Variants in SYT17 observed in about 807,000 individuals in gnomAD.
SYT17 encodes synaptotagmin 17.
In SYT17, 22 loss-of-function variants were observed where a neutral mutation model predicts 46.7. The ratio of observed to expected loss-of-function variants is 0.47; its 90% CI spans 0.34 to 0.67. The LOEUF is 0.67. Ranked by LOEUF, SYT17 falls within the 30% of genes least tolerant of loss-of-function variation. SYT17 has a pLI of 0.01. For missense variants in SYT17, 519 were observed against 612.8 expected (o/e 0.85, Z 1.62); for synonymous variants, 251 against 248.4 (o/e 1.01, Z -0.10).
At chr16:19,178,368 AGCCACCGTGCCC>A (rs1332031471) in intron 3 of SYT17, among the ~76,000 whole-genome samples, 1 of 151,680 alleles carries the variant, frequency 6.6e-6, no homozygotes, top group Non-Finnish European at 1.5e-5. Flanking sequence ...TACAGACGTG[AGCCACCGTGCCC>A]GCCCAGTTTC....
chr16:19,178,535 A>G (rs982358049), intron 3 of SYT17, among the ~76,000 whole-genome samples: 1 of 151,716 alleles, frequency 6.6e-6, no homozygotes, highest in African/African-American at 2.4e-5. Flanking sequence ...CAAGTGATCC[A>G]CCCACCTCAG....
chr16:19,181,835 A>G (rs1964568802), intron 4 of SYT17, among the ~76,000 whole-genome samples: 1 of 152,046 alleles, frequency 6.6e-6, no homozygotes, highest in African/African-American at 2.4e-5. Context: ...CCCCATCTCT[A>G]CTAAAAATAC....
chr16:19,223,612 T>C (rs2214187), intron 6 of SYT17, among the ~76,000 whole-genome samples: 122,327 of 152,214 alleles, frequency 0.8, 49,482 homozygotes, highest in African/African-American at 0.89. Flanking sequence ...TGACTTTTAA[T>C]GGAACGGAAC....
chr16:19,217,683 A>G (rs931564703), intron 5 of SYT17, among the ~76,000 whole-genome samples: 1 of 152,196 alleles, frequency 6.6e-6, no homozygotes, highest in Non-Finnish European at 1.5e-5. Context: ...TCATGTGGAC[A>G]TGTTTCCTAT....
chr16:19,184,140 G>A lies in SYT17; in HGVS notation c.944G>A (p.Ser315Asn). ...CACTGGTGGAAGGCGCTGATTCCCA[G>A]TTCTCAGGTAAGGGATGGGTTTGTG... ...GGHWWKALIP[S>N]SQNEVELGEL... Residue 315 changes from serine (S) to asparagine (N), a missense_variant, in exon 5 of 8, where the codon AGT (serine) becomes AAT (asparagine). Physicochemically the swap from Ser to Asn is conservative, Grantham distance 46. Transcript: ENST00000355377. 3 of 1,613,398 alleles carry A rather than the reference G, an allele frequency of 1.9e-6. No individual in the cohort carries two copies. The highest frequency in any genetic ancestry group is 2.5e-6 in the Non-Finnish European group (3 of 1,179,382).
intron 7 of SYT17, among the ~76,000 whole-genome samples, chr16:19,251,494 G>T (rs1968063072): frequency 6.6e-6 from 1 of 152,178 alleles, no homozygotes; most frequent in South Asian, 2.1e-4. Flanking sequence ...GCAGGTCTGT[G>T]GTGTGTGTCT....
intron 7 of SYT17, among the ~76,000 whole-genome samples, chr16:19,237,077 A>G (rs1966859074): frequency 1.3e-5 from 2 of 152,236 alleles, no homozygotes; most frequent in Admixed American, 6.5e-5. Flanking sequence ...GACAAAGGCT[A>G]GGCCTCTTTT....
chr16:19,255,987 C>T (rs750735843), intron 7 of SYT17, among the ~76,000 whole-genome samples: 9 of 152,140 alleles, frequency 5.9e-5, no homozygotes, highest in Non-Finnish European at 1.0e-4. Flanking sequence ...AGCCTATTTC[C>T]AGGATCTGCT....
intron 7 of SYT17, among the ~76,000 whole-genome samples, chr16:19,237,141 C>T (rs941424702): frequency 6.6e-6 from 1 of 152,342 alleles, no homozygotes; most frequent in Admixed American, 6.5e-5. Context: ...CGTGCAAAGT[C>T]ATCCAGCTGG....
intron 4 of SYT17, among the ~76,000 whole-genome samples, chr16:19,182,903 C>T (rs1038352653): frequency 5.3e-5 from 8 of 152,202 alleles, no homozygotes; most frequent in Non-Finnish European, 1.2e-4. Context: ...TGAATCTTCA[C>T]CACATTCTTT....
intron 7 of SYT17, among the ~76,000 whole-genome samples, chr16:19,265,033 T>C (rs1220853535): frequency 6.6e-6 from 1 of 152,138 alleles, no homozygotes; most frequent in East Asian, 1.9e-4. Context: ...GAAAACTAAA[T>C]GGGGCCTGAA....
intron 5 of SYT17, among the ~76,000 whole-genome samples, chr16:19,207,502 C>T (rs1298175561): frequency 1.3e-5 from 2 of 152,140 alleles, no homozygotes; most frequent in Admixed American, 1.3e-4. Flanking sequence ...AGAGATACCT[C>T]ATATGGCCAG....
Position 19,183,814 on chromosome 16 carries a change from C to T in SYT17, c.618C>T (p.Ile206=), listed in dbSNP as rs747331467. The part of the protein sequence containing the change: ...LLHNHLTVRV[I]EARDLPPPIS... ...ACAACCACCTCACCGTGCGCGTGAT[C>T]GAGGCCAGGGACCTGCCACCTCCCA... Residue 206 remains isoleucine (I), a synonymous_variant, in exon 5 of 8, where the codon ATC becomes ATT. Transcript: ENST00000355377. The surrounding 1 kb of genome is among the most constrained non-coding windows in gnomAD (Gnocchi z 5.6). The T allele has an allele frequency of 3.3e-5, 54 of 1,614,022 alleles. No individual in the cohort carries two copies. Among genetic ancestry groups the T allele is most frequent in the South Asian group, 7.7e-5 (7 of 91,080 alleles).
chr16:19,211,665 G>C (rs1018886157), intron 5 of SYT17, among the ~76,000 whole-genome samples: 1 of 151,650 alleles, frequency 6.6e-6, no homozygotes, highest in African/African-American at 2.4e-5. Context: ...CTGTCGCCGA[G>C]GCTGGAGTGC....
intron 5 of SYT17, among the ~76,000 whole-genome samples, chr16:19,221,015 G>C (rs1966295742): frequency 6.6e-6 from 1 of 151,226 alleles, no homozygotes; most frequent in Non-Finnish European, 1.5e-5. Context: ...AACACAGGAA[G>C]ACCTCAACTC....
At chr16:19,178,175 C>T (rs190628713) in intron 3 of SYT17, among the ~76,000 whole-genome samples, 5 of 152,118 alleles carry the variant, frequency 3.3e-5, no homozygotes, top group South Asian at 2.1e-4. Context: ...CTCTGCCTCC[C>T]GGGTTCATGC....
chr16:19,197,425 GT>G (rs1466359319), intron 5 of SYT17, among the ~76,000 whole-genome samples: 2 of 115,538 alleles, frequency 1.7e-5, no homozygotes, highest in African/African-American at 3.2e-5. Flanking sequence ...TTTTTGTTTT[GT>G]TTTGTTTGTT....
chr16:19,247,070 C>G (rs927698972), intron 7 of SYT17, among the ~76,000 whole-genome samples: 2 of 152,094 alleles, frequency 1.3e-5, no homozygotes, highest in African/African-American at 4.8e-5. Flanking sequence ...AGAGATATAC[C>G]ATGTGGACGT....
rs1204605539 is a variant in SYT17 at position 19,168,662 on chromosome 16, G to A, written c.15+1G>A. 1 of 1,525,898 alleles carries A rather than the reference G, an allele frequency of 6.6e-7. No homozygotes were observed. The highest frequency in any genetic ancestry group is 8.8e-7 in the Non-Finnish European group (1 of 1,134,718). 94.5% of individuals were successfully genotyped at this position (1,525,898 alleles called of 1,614,324 possible). Reference sequence around the variant, plus strand: ...GCGGGCGAAAATGGCGTACATCCAGGTAGGGCTGAGGCTGGGGGCAAGGTC... The same window carrying A: ...GCGGGCGAAAATGGCGTACATCCAGATAGGGCTGAGGCTGGGGGCAAGGTC... On this transcript the variant is annotated splice_donor_variant, in intron 1 of 7. Transcript: ENST00000355377. LOFTEE classifies it high-confidence loss of function. The surrounding 1 kb of genome is among the most constrained non-coding windows in gnomAD (Gnocchi z 6.9).
Sources: allele counts gnomAD v4.1 joint callset (sites outside exome capture counted in the v4.1 genomes callset), GRCh38; gene constraint gnomAD v4.1.1; non-coding constraint Gnocchi (gnomAD v3.1); transcripts MANE v1.5; gene names NCBI Gene and HGNC (gene_info 2026-07-23, HGNC 2026-07-21).